ATP11C: variants seen among roughly 807,000 people sequenced by gnomAD.
ATP11C encodes the protein ATPase phospholipid transporting 11C (ATP11C blood group), also known as phospholipid-transporting ATPase IG.
A neutral mutation model predicts 97.4 loss-of-function variants in ATP11C; 36 were observed. The ratio of observed to expected loss-of-function variants is 0.37; its 90% CI spans 0.28 to 0.49. ATP11C has a LOEUF of 0.49. Ranked by LOEUF, ATP11C falls within the 20% of genes least tolerant of loss-of-function variation. The pLI is 0.98. For missense variants in ATP11C, 730 were observed against 824.6 expected (o/e 0.89, Z 1.40); for synonymous variants, 275 against 290.9 (o/e 0.95, Z 0.56).
intron 1 of ATP11C, among the ~76,000 whole-genome samples, chrX:139,894,130 C>T (rs1373455335): frequency 8.9e-6 from 1 of 111,883 alleles, no homozygotes; most frequent in African/African-American, 3.2e-5. Context: ...ATCCTAGAGG[C>T]TCATCTGCTG....
At chrX:139,926,939 C>A (rs1408152199) in intron 1 of ATP11C, among the ~76,000 whole-genome samples, 1 of 112,014 alleles carries the variant, frequency 8.9e-6, no homozygotes, top group Non-Finnish European at 1.9e-5. Flanking sequence ...GTTTGCCATG[C>A]GTAGGTCAGA....
chrX:139,738,135 A>G, intron 27 of ATP11C, 66 bp from the exon 28 acceptor site: 1 of 917,991 alleles, frequency 1.1e-6, no homozygotes, highest in Non-Finnish European at 1.5e-6. Flanking sequence ...ATGGACATTT[A>G]ATTAAAATGT....
intron 1 of ATP11C, among the ~76,000 whole-genome samples, chrX:139,861,613 T>G (rs769430974): frequency 9.0e-6 from 1 of 111,652 alleles, no homozygotes; most frequent in South Asian, 3.8e-4. Context: ...AAAGAGGTTA[T>G]GTGGGTGATC....
chrX:139,750,301 CACTGCCTAGTA>C, intron 23 of ATP11C, 149 bp from the exon 24 acceptor site: 1 of 461,213 alleles, frequency 2.2e-6, no homozygotes, highest in Non-Finnish European at 3.5e-6. Context: ...TAAATAAGGT[CACTGCCTAGTA>C]ACTATAAAAA....
At chrX:139,765,649 G>C (rs1569443367) in intron 20 of ATP11C, among the ~76,000 whole-genome samples, 1 of 112,345 alleles carries the variant, frequency 8.9e-6, no homozygotes, top group East Asian at 2.8e-4. Context: ...CACATAGCCA[G>C]ATAAATACAG....
At chrX:139,779,730 T>C (rs1603360316) in intron 18 of ATP11C, among the ~76,000 whole-genome samples, 2 of 110,770 alleles carry the variant, frequency 1.8e-5, no homozygotes, top group African/African-American at 6.6e-5. Context: ...GTAACAAAGA[T>C]TGTAGCAGAA....
At chrX:139,782,488 G>A (rs1030137976) in intron 18 of ATP11C, 59 bp downstream of exon 18, 3 of 826,501 alleles carry the variant, frequency 3.6e-6, no homozygotes, top group African/African-American at 4.2e-5. Flanking sequence ...ACTAATCTGG[G>A]GCAGATCACA....
At chrX:139,914,408 T>A (rs1273606055) in intron 1 of ATP11C, among the ~76,000 whole-genome samples, 3 of 112,459 alleles carry the variant, frequency 2.7e-5, no homozygotes, top group Non-Finnish European at 3.8e-5. Flanking sequence ...TCCTGGCCTA[T>A]AGACACTTTA....
rs1390493474 is a variant in ATP11C at position 139,859,870 on chromosome X, G to A, written c.28-33047C>T. Among the ~76,000 whole-genome samples the A allele has an allele frequency of 6.1e-5, 5 of 82,141 alleles. 1 individual carries two copies. Among genetic ancestry groups the A allele is most frequent in the African/African-American group, 5.2e-4 (5 of 9,631 alleles). The allele number at this position is 82,141 out of a possible 115,157, so 71.3% of individuals were successfully genotyped here. A position where few individuals can be genotyped will look rare whatever the true frequency, so the allele number is the denominator to read the frequency against. ...TAATCCCAGCACTTTGGGAGGCCGA[G>A]GCGGGCGGATCACGAGGTCAGGAGA... is the stretch of plus-strand genomic sequence containing the variant. On this transcript the variant is annotated intron_variant, in intron 1 of 29. Transcript: ENST00000682941.
intron 1 of ATP11C, among the ~76,000 whole-genome samples, chrX:139,914,258 T>C (rs534226163): frequency 4.5e-5 from 5 of 112,272 alleles, no homozygotes; most frequent in African/African-American, 1.3e-4. Context: ...AATGAAGATG[T>C]TGGACTACTA....
At chrX:139,778,761 C>T (rs1299346791) in intron 18 of ATP11C, among the ~76,000 whole-genome samples, 3 of 111,271 alleles carry the variant, frequency 2.7e-5, no homozygotes, top group East Asian at 2.8e-4. Context: ...ACCCAGGAGG[C>T]GAAGTTGCAG....
chrX:139,764,966 T>C (rs1320220943), intron 20 of ATP11C, among the ~76,000 whole-genome samples: 1 of 112,213 alleles, frequency 8.9e-6, no homozygotes, highest in Non-Finnish European at 1.9e-5. Context: ...GCACCTGTTA[T>C]ACTGTGTGCA....
intron 1 of ATP11C, among the ~76,000 whole-genome samples, chrX:139,872,338 T>A (rs1804033634): frequency 9.0e-6 from 1 of 111,044 alleles, no homozygotes; most frequent in Admixed American, 9.6e-5. Context: ...AAAACTATTA[T>A]ACCTGTGTAA....
chrX:139,860,583 T>G (rs2084171646), intron 1 of ATP11C, among the ~76,000 whole-genome samples: 1 of 111,660 alleles, frequency 9.0e-6, no homozygotes, highest in African/African-American at 3.3e-5. Context: ...TTTGGGAGGC[T>G]GAGGGAGGTG....
rs149121916 is a variant in ATP11C, at chrX:139,817,336, T to C, written c.238-393A>G. Among the ~76,000 whole-genome samples, 650 of 112,044 alleles carry C rather than the reference T, an allele frequency of 5.8e-3. 11 individuals are homozygous for C. The highest frequency in any genetic ancestry group is 0.019 in the African/African-American group (595 of 30,849). On this transcript the variant is annotated intron_variant, in intron 3 of 29. Transcript: ENST00000682941. ...AGGAAAAATCAGACAGTAAAACAAG[T>C]GTGTAGATGCTGAGGTCTGAAGGGT... is the stretch of plus-strand genomic sequence containing the variant.
At chrX:139,906,053 G>T (rs1483348536) in intron 1 of ATP11C, among the ~76,000 whole-genome samples, 1 of 111,393 alleles carries the variant, frequency 9.0e-6, no homozygotes, top group Admixed American at 9.6e-5. Flanking sequence ...TCTTAACTGT[G>T]TGTGGCAGAA....
intron 1 of ATP11C, among the ~76,000 whole-genome samples, chrX:139,869,032 T>C (rs1343950377): frequency 8.9e-6 from 1 of 112,327 alleles, no homozygotes; most frequent in African/African-American, 3.2e-5. Context: ...GAATGTAAAA[T>C]GGTGCAGCTG....
chrX:139,909,788 CAG>C (rs2085042760), intron 1 of ATP11C: 1 of 111,679 alleles, frequency 9.0e-6, no homozygotes, highest in Non-Finnish European at 1.9e-5. Flanking sequence ...TGTTTCAACA[CAG>C]AAACTCTAGG....
At chrX:139,923,427 G>C (rs1603419564) in intron 1 of ATP11C, among the ~76,000 whole-genome samples, 1 of 111,693 alleles carries the variant, frequency 9.0e-6, no homozygotes, top group Admixed American at 9.6e-5. Flanking sequence ...GGATGGTCCT[G>C]TGTGCTGGTC....
Sources: allele counts gnomAD v4.1 joint callset (sites outside exome capture counted in the v4.1 genomes callset), GRCh38; gene constraint gnomAD v4.1.1; transcripts MANE v1.5; gene names NCBI Gene and HGNC (gene_info 2026-07-23, HGNC 2026-07-21).